PDE10A: variants seen among roughly 807,000 people sequenced by gnomAD.
PDE10A encodes the protein cAMP and cAMP-inhibited cGMP 3',5'-cyclic phosphodiesterase 10A.
PDE10A carries 39 observed loss-of-function variants against 97.7 expected under a neutral mutation model. That is an observed-to-expected ratio of 0.40 (90% CI 0.31 to 0.52). The LOEUF (loss-of-function observed/expected upper bound fraction) is 0.52, where lower values mean the gene tolerates loss of function less well. PDE10A is among the 20% of genes least tolerant of loss of function. The pLI, the probability that PDE10A is intolerant of heterozygous loss-of-function variation, is 0.56. For missense variants in PDE10A, 731 were observed against 1,047.8 expected, an observed-to-expected ratio of 0.70 and a Z score of 4.17; for synonymous variants, 371 against 376.8, an observed-to-expected ratio of 0.98 and a Z score of 0.18.
In PDE10A at chr6:165,448,989, A is replaced by G. The variant is rs1266156464; in HGVS notation, c.1145-12T>C. 5 of 1,609,494 alleles carry G rather than the reference A, an allele frequency of 3.1e-6. No individual in the cohort carries two copies. The highest frequency in any genetic ancestry group is 4.3e-6 in the Non-Finnish European group (5 of 1,176,016). On this transcript the variant is annotated splice_polypyrimidine_tract_variant and intron_variant, in intron 4 of 21. Transcript: ENST00000539869. Reference sequence around the variant, plus strand: ...ATCGGCTTTTGTGGCTGCCAAAGTAATAAGAAAAGGAAGAAACTGAGCTCA... The same window carrying G: ...ATCGGCTTTTGTGGCTGCCAAAGTAGTAAGAAAAGGAAGAAACTGAGCTCA...
intron 1 of PDE10A, among the ~76,000 whole-genome samples, chr6:165,873,635 C>T (rs1165141233): frequency 6.6e-6 from 1 of 152,000 alleles, no homozygotes; most frequent in Non-Finnish European, 1.5e-5. Flanking sequence ...GGTTTAAGCT[C>T]AGTATTTGAA....
intron 1 of PDE10A, among the ~76,000 whole-genome samples, chr6:165,826,266 C>A (rs997566245): frequency 2.0e-5 from 3 of 151,796 alleles, no homozygotes; most frequent in Non-Finnish European, 4.4e-5. Flanking sequence ...GCCACGATGG[C>A]CCTCTGACTC....
At chr6:165,824,769 A>G (rs1324761619) in intron 1 of PDE10A, among the ~76,000 whole-genome samples, 2 of 151,838 alleles carry the variant, frequency 1.3e-5, no homozygotes, top group African/African-American at 2.4e-5. Context: ...TTTCTTATGG[A>G]AAAAAAAGCA....
intron 1 of PDE10A, among the ~76,000 whole-genome samples, chr6:165,777,313 G>A (rs1037817417): frequency 2.6e-5 from 4 of 152,178 alleles, no homozygotes; most frequent in Admixed American, 6.5e-5. Flanking sequence ...CAAAGATCAC[G>A]GGAGCATCGG....
Position 165,557,351 on chromosome 6 carries a change from TCA to T in PDE10A, c.866-13785_866-13784del, listed in dbSNP as rs201983553. 2.7e-3 allele frequency among the ~76,000 whole-genome samples: 410 copies of T among 152,238 alleles called. 1 individual carries two copies. The highest frequency in any genetic ancestry group is 9.0e-3 in the Admixed American group (137 of 15,290). On this transcript the variant is annotated intron_variant, in intron 1 of 21. Transcript: ENST00000539869. ...GATTCATAATTAATAACCTTCATGA[TCA>T]CAGTTTCAACTGGGATTTAAAGAAA...
intron 1 of PDE10A, among the ~76,000 whole-genome samples, chr6:165,574,537 T>C (rs1381475895): frequency 6.6e-6 from 1 of 152,224 alleles, no homozygotes; most frequent in African/African-American, 2.4e-5. Context: ...TCAAAAAACC[T>C]ATCCTTGACT....
intron 1 of PDE10A, among the ~76,000 whole-genome samples, chr6:165,593,692 C>T (rs1192683041): frequency 6.6e-6 from 1 of 152,078 alleles, no homozygotes; most frequent in Non-Finnish European, 1.5e-5. Context: ...ATAATAAAAA[C>T]ATTTTATTAT....
chr6:165,972,751 A>G (rs1332143024), intron 1 of PDE10A, among the ~76,000 whole-genome samples: 1 of 152,118 alleles, frequency 6.6e-6, no homozygotes, highest in East Asian at 1.9e-4. Flanking sequence ...ATATTGTATT[A>G]TTTTTCGCCA....
chr6:165,747,256 C>A (rs1350717593), intron 1 of PDE10A, among the ~76,000 whole-genome samples: 1 of 151,994 alleles, frequency 6.6e-6, no homozygotes, highest in African/African-American at 2.4e-5. Flanking sequence ...AAAATTAAAA[C>A]GTTTTAAATG....
chr6:165,650,554 G>T (rs1343710272), intron 1 of PDE10A, among the ~76,000 whole-genome samples: 1 of 152,008 alleles, frequency 6.6e-6, no homozygotes, highest in African/African-American at 2.4e-5. Flanking sequence ...GGTGTATCTC[G>T]AAGATCTTCT....
At chr6:165,881,802 A>G (rs1781486570) in intron 1 of PDE10A, among the ~76,000 whole-genome samples, 4 of 152,094 alleles carry the variant, frequency 2.6e-5, no homozygotes, top group Admixed American at 2.6e-4. Flanking sequence ...TAAGTGGATT[A>G]TTTCTTCTCA....
chr6:165,654,986 G>GTC (rs1165220580), intron 1 of PDE10A, among the ~76,000 whole-genome samples: 1 of 152,122 alleles, frequency 6.6e-6, no homozygotes, highest in Non-Finnish European at 1.5e-5. Flanking sequence ...TTCACTCCTG[G>GTC]TCTCCATTCA....
chr6:165,663,224 C>A lies in PDE10A; in HGVS notation c.-413G>T, dbSNP rs1447389740. ...CCCGTGGAGGCGGTGGTGGCGGCGG[C>A]GGCAGAAGACGCCCACTGGCGGAGC... On this transcript the variant is annotated 5_prime_UTR_variant, in exon 1 of 22. Coordinates refer to ENST00000539869, the MANE Select transcript of PDE10A (RefSeq NM_001385079.1). Among the ~76,000 whole-genome samples, 1 of 151,540 alleles carries A rather than the reference C, an allele frequency of 6.6e-6. No individual in the cohort carries two copies. The highest frequency in any genetic ancestry group is 1.5e-5 in the Non-Finnish European group (1 of 67,848).
At chr6:165,410,820 G>A (rs180749222) in intron 13 of PDE10A, among the ~76,000 whole-genome samples, 1 of 151,332 alleles carries the variant, frequency 6.6e-6, no homozygotes, top group East Asian at 1.9e-4. Context: ...CGGGCGCGGT[G>A]GCTCACGCCT....
intron 1 of PDE10A, among the ~76,000 whole-genome samples, chr6:165,866,030 T>C (rs1016801245): frequency 3.3e-5 from 5 of 152,024 alleles, no homozygotes; most frequent in African/African-American, 4.8e-5. Context: ...ACAAAGGATA[T>C]ACAAACAATC....
At chr6:165,792,579 G>A (rs146963663) in intron 1 of PDE10A, among the ~76,000 whole-genome samples, 16 of 152,096 alleles carry the variant, frequency 1.1e-4, no homozygotes, top group African/African-American at 2.7e-4. Context: ...CCCAGTCTCC[G>A]CTGCAGGGTT....
chr6:165,692,905 C>T (rs527638357), intron 1 of PDE10A, among the ~76,000 whole-genome samples: 13 of 152,210 alleles, frequency 8.5e-5, no homozygotes, highest in South Asian at 2.1e-4. Context: ...TGACTAAATC[C>T]GCAGTGTCTG....
At chr6:165,384,646 GT>G (rs1562406350) in intron 17 of PDE10A, among the ~76,000 whole-genome samples, 7,547 of 129,248 alleles carry the variant, frequency 0.058, 593 homozygotes, top group African/African-American at 0.13. Flanking sequence ...GTGTGTGTGT[GT>G]GTGTGTGTGT....
At chr6:165,735,903 G>C (rs1792564225) in intron 1 of PDE10A, among the ~76,000 whole-genome samples, 2 of 152,156 alleles carry the variant, frequency 1.3e-5, no homozygotes, top group Admixed American at 1.3e-4. Flanking sequence ...CAAAGACAAA[G>C]AGAAAATTTA....
Sources: allele counts gnomAD v4.1 joint callset (sites outside exome capture counted in the v4.1 genomes callset), GRCh38; gene constraint gnomAD v4.1.1; transcripts MANE v1.5; gene names NCBI Gene and HGNC (gene_info 2026-07-23, HGNC 2026-07-21).